RARB: variants seen among roughly 807,000 people sequenced by gnomAD.
RARB encodes the protein retinoic acid receptor beta, also known as HBV-activated protein.
RARB carries 17 observed loss-of-function variants against 51.9 expected under a neutral mutation model. That is an observed-to-expected ratio of 0.33 (90% CI 0.22 to 0.49). The LOEUF is 0.49. Ranked by LOEUF, RARB falls within the 20% of genes least tolerant of loss-of-function variation. RARB has a pLI of 0.99. For missense variants in RARB, 369 were observed against 550.8 expected, an observed-to-expected ratio of 0.67 and a Z score of 3.30; for synonymous variants, 215 against 195.4, an observed-to-expected ratio of 1.10 and a Z score of -0.84.
chr3:25,425,750 A>C, upstream of RARB, among the ~76,000 whole-genome samples: 1 of 152,216 alleles, frequency 6.6e-6, no homozygotes, highest in East Asian at 1.9e-4. Flanking sequence ...GAAATTCGGA[A>C]GCAGTGGTCT....
At chr3:25,225,834 C>T (rs1702044153) in intron 5 of RARB, among the ~76,000 whole-genome samples, 1 of 152,102 alleles carries the variant, frequency 6.6e-6, no homozygotes, top group Non-Finnish European at 1.5e-5. Context: ...TTGATTGGAC[C>T]TTAAAAAAGG....
chr3:24,883,391 TG>T, intron 2 of RARB, among the ~76,000 whole-genome samples: 1 of 148,854 alleles, frequency 6.7e-6, no homozygotes, highest in Non-Finnish European at 1.5e-5. Context: ...TGTGTGTGTG[TG>T]TGTTTAAACC....
At chr3:25,213,245 G>A (rs555561907) in intron 5 of RARB, among the ~76,000 whole-genome samples, 5 of 152,156 alleles carry the variant, frequency 3.3e-5, no homozygotes, top group South Asian at 2.1e-4. Context: ...CCAAGTCCTC[G>A]CTGTCCTGCC....
At chr3:24,935,627 C>G (rs1695532686) in intron 2 of RARB, among the ~76,000 whole-genome samples, 1 of 152,138 alleles carries the variant, frequency 6.6e-6, no homozygotes, top group Non-Finnish European at 1.5e-5. Flanking sequence ...TTTTCACAAT[C>G]CCTAGGACGT....
At chr3:24,843,932 C>CAG (rs1376590833) in intron 1 of RARB, among the ~76,000 whole-genome samples, 1 of 151,738 alleles carries the variant, frequency 6.6e-6, no homozygotes, top group Non-Finnish European at 1.5e-5. Context: ...CACACACACA[C>CAG]ACACATTCTC....
intron 2 of RARB, among the ~76,000 whole-genome samples, chr3:25,472,984 G>T (rs142164287): frequency 2.0e-5 from 3 of 152,270 alleles, no homozygotes; most frequent in East Asian, 3.9e-4. Context: ...TCACTCCATG[G>T]AACACCAGAT....
intron 2 of RARB, among the ~76,000 whole-genome samples, chr3:25,008,887 C>T (rs975058968): frequency 6.6e-6 from 1 of 152,122 alleles, no homozygotes; most frequent in Non-Finnish European, 1.5e-5. Context: ...GCTTCACACA[C>T]TGATATTTTT....
chr3:24,931,083 G>T (rs1404262475), intron 2 of RARB, among the ~76,000 whole-genome samples: 1 of 152,058 alleles, frequency 6.6e-6, no homozygotes. Context: ...CAACTCTTAA[G>T]TAGAGAAGCT....
intron 5 of RARB, among the ~76,000 whole-genome samples, chr3:25,333,753 G>A (rs1704974973): frequency 6.6e-6 from 1 of 152,088 alleles, no homozygotes; most frequent in South Asian, 2.1e-4. Flanking sequence ...CTACAGAATG[G>A]GAGTAAATTT....
intron 2 of RARB, among the ~76,000 whole-genome samples, chr3:24,876,984 G>A (rs950671602): frequency 1.3e-5 from 2 of 152,044 alleles, no homozygotes; most frequent in Non-Finnish European, 2.9e-5. Context: ...ATATTAATAA[G>A]AACACTTAGG....
At chr3:25,241,307 T>C (rs1300759024) in intron 5 of RARB, among the ~76,000 whole-genome samples, 1 of 152,188 alleles carries the variant, frequency 6.6e-6, no homozygotes, top group East Asian at 1.9e-4. Flanking sequence ...TGTTGAGATT[T>C]GTTTTATGTC....
chr3:24,958,557 G>A (rs551368283), intron 2 of RARB, among the ~76,000 whole-genome samples: 33 of 152,168 alleles, frequency 2.2e-4, no homozygotes, highest in African/African-American at 7.7e-4. Flanking sequence ...TCACTGTTTA[G>A]GAATTTATCT....
chr3:25,410,983 A>G (rs914161745), intron 5 of RARB, among the ~76,000 whole-genome samples: 1 of 152,272 alleles, frequency 6.6e-6, no homozygotes, highest in African/African-American at 2.4e-5. Flanking sequence ...AAACATTTTC[A>G]GAGGAATTAG....
intron 2 of RARB, among the ~76,000 whole-genome samples, chr3:24,926,766 C>T (rs770001631): frequency 6.6e-6 from 1 of 151,932 alleles, no homozygotes; most frequent in African/African-American, 2.4e-5. Context: ...CTTCTGGGTA[C>T]TATATTCTAG....
At chr3:25,550,479 G>T (rs910133305) in intron 3 of RARB, among the ~76,000 whole-genome samples, 33 of 152,098 alleles carry the variant, frequency 2.2e-4, no homozygotes, top group Admixed American at 6.5e-5. Flanking sequence ...CATGGCAGAA[G>T]GGGGAAGCAA....
At chr3:25,452,395 C>T (rs141902800) in intron 1 of RARB, among the ~76,000 whole-genome samples, 2 of 147,454 alleles carry the variant, frequency 1.4e-5, no homozygotes, top group African/African-American at 5.1e-5. Flanking sequence ...TATTGCTGGC[C>T]GTAAGCCCAG....
At chr3:25,135,657 G>A (rs1700021748) in intron 4 of RARB, among the ~76,000 whole-genome samples, 1 of 152,022 alleles carries the variant, frequency 6.6e-6, no homozygotes, top group Non-Finnish European at 1.5e-5. Context: ...AGAAGACATA[G>A]CTAAATGGTA....
upstream of RARB, among the ~76,000 whole-genome samples, chr3:25,425,859 T>C (rs1379672160): frequency 6.6e-6 from 1 of 152,196 alleles, no homozygotes; most frequent in Non-Finnish European, 1.5e-5. Flanking sequence ...AGTGCATCTC[T>C]ACTCTTTGGA....
chr3:25,375,581 G>A (rs997055519), intron 5 of RARB, among the ~76,000 whole-genome samples: 3 of 152,126 alleles, frequency 2.0e-5, no homozygotes, highest in Non-Finnish European at 4.4e-5. Context: ...ACTGTATGGG[G>A]CTAATATATA....
Sources: gnomAD v4.1 joint callset for allele counts (sites outside exome capture counted in the v4.1 genomes callset) on GRCh38, gnomAD v4.1.1 for gene constraint, MANE v1.5 for transcripts, NCBI Gene and HGNC (gene_info 2026-07-23, HGNC 2026-07-21) for gene names.